Variants in STK3 observed in about 807,000 individuals in gnomAD.
The protein encoded by STK3 is serine/threonine-protein kinase 3.
In STK3, 41 loss-of-function variants were observed where a neutral mutation model predicts 58.0. The ratio of observed to expected loss-of-function variants is 0.71; its 90% CI spans 0.55 to 0.92. The LOEUF is 0.92. STK3 is among the 40% of genes least tolerant of loss of function. STK3 has a pLI of 0.00. For synonymous variants in STK3, 170 were observed against 191.0 expected (o/e 0.89, Z 0.91); for missense variants, 479 against 602.7 (o/e 0.79, Z 2.15).
downstream of STK3, among the ~76,000 whole-genome samples, chr8:98,449,936 G>A (rs1819125902): frequency 6.6e-6 from 1 of 152,148 alleles, no homozygotes; most frequent in Admixed American, 6.5e-5. Context: ...CACAGTATGA[G>A]GCTCTCACCA....
intron 1 of STK3, among the ~76,000 whole-genome samples, chr8:98,785,369 T>C (rs546407760): frequency 1.1e-4 from 17 of 152,284 alleles, no homozygotes; most frequent in Admixed American, 3.3e-4. Context: ...ATTAGGAGTT[T>C]AAGCTGCCAC....
chr8:98,886,199 A>G (rs1587801931), intron 1 of STK3, among the ~76,000 whole-genome samples: 1 of 152,234 alleles, frequency 6.6e-6, no homozygotes, highest in Non-Finnish European at 1.5e-5. Context: ...ACACACACAC[A>G]CAACTACATC....
At chr8:98,810,041 C>T (rs747883985) in intron 1 of STK3, among the ~76,000 whole-genome samples, 2 of 152,112 alleles carry the variant, frequency 1.3e-5, no homozygotes, top group East Asian at 1.9e-4. Context: ...CACATGGCCA[C>T]GTGGCCAGAG....
intron 9 of STK3, among the ~76,000 whole-genome samples, chr8:98,541,099 T>C (rs1810220431): frequency 6.6e-6 from 1 of 152,202 alleles, no homozygotes; most frequent in African/African-American, 2.4e-5. Flanking sequence ...TGTGGTGTTG[T>C]GGGAGTCACT....
chr8:98,576,705 G>C (rs563780188), intron 8 of STK3, among the ~76,000 whole-genome samples: 1 of 152,256 alleles, frequency 6.6e-6, no homozygotes, highest in South Asian at 2.1e-4. Flanking sequence ...CTGGTGCCTA[G>C]AAATACAACT....
At chr8:98,598,744 C>T (rs1477690397) in intron 6 of STK3, 2 of 985,292 alleles carry the variant, frequency 2.0e-6, no homozygotes, top group Non-Finnish European at 2.4e-6. Context: ...TATCTTATCT[C>T]TAACACCATT....
chr8:98,462,124 A>G (rs1441526083), intron 10 of STK3, among the ~76,000 whole-genome samples: 2 of 152,188 alleles, frequency 1.3e-5, no homozygotes, highest in African/African-American at 2.4e-5. Flanking sequence ...AAAATGTACA[A>G]TTAAGTTATT....
intron 7 of STK3, among the ~76,000 whole-genome samples, chr8:98,586,815 T>G (rs1039091199): frequency 6.6e-6 from 1 of 151,968 alleles, no homozygotes. Flanking sequence ...TTCTTCCTGG[T>G]TTAGTCCTGG....
chr8:98,422,646 C>A (rs113778397), intron 3 of STK3, among the ~76,000 whole-genome samples: 2 of 152,284 alleles, frequency 1.3e-5, no homozygotes, highest in African/African-American at 4.8e-5. Flanking sequence ...AGGGAGGCGA[C>A]GACAAAGGCA....
At chr8:98,546,947 G>A (rs1423613019) in intron 9 of STK3, among the ~76,000 whole-genome samples, 1 of 152,178 alleles carries the variant, frequency 6.6e-6, no homozygotes, top group African/African-American at 2.4e-5. Flanking sequence ...ACTGAGCCAC[G>A]TGACTTGAAG....
At chr8:98,526,567 A>G in intron 10 of STK3, 175 bp downstream of exon 10, 1 of 446,408 alleles carries the variant, frequency 2.2e-6, no homozygotes, top group East Asian at 3.7e-5. Flanking sequence ...TCTATAAGCA[A>G]GCTACAGTTT....
At chr8:98,755,522 G>T (rs1470449759) in intron 3 of STK3, among the ~76,000 whole-genome samples, 1 of 152,186 alleles carries the variant, frequency 6.6e-6, no homozygotes, top group Admixed American at 6.5e-5. Context: ...GAAGGCACTG[G>T]AGTATGTGAA....
intron 8 of STK3, among the ~76,000 whole-genome samples, chr8:98,550,983 T>G (rs1811121665): frequency 6.6e-6 from 1 of 152,180 alleles, no homozygotes; most frequent in South Asian, 2.1e-4. Flanking sequence ...AATTTCAATG[T>G]CTTCTATGGA....
chr8:98,731,742 A>G (rs1319567727), intron 4 of STK3, among the ~76,000 whole-genome samples: 3 of 143,778 alleles, frequency 2.1e-5, no homozygotes, highest in Non-Finnish European at 3.0e-5. Context: ...AAAAAAAAAA[A>G]TTCAATAAAA....
chr8:98,562,743 A>AC, intron 8 of STK3, among the ~76,000 whole-genome samples: 1 of 132,916 alleles, frequency 7.5e-6, no homozygotes, highest in Admixed American at 7.3e-5. Context: ...AAATGAAAAA[A>AC]AAAAAAAAAA....
At chr8:98,588,315 A>G (rs1448415099) in intron 7 of STK3, among the ~76,000 whole-genome samples, 1 of 151,592 alleles carries the variant, frequency 6.6e-6, no homozygotes, top group Non-Finnish European at 1.5e-5. Flanking sequence ...ATCTCTCAGC[A>G]TTTGCTTGTC....
intron 6 of STK3, among the ~76,000 whole-genome samples, chr8:98,666,847 C>G (rs1822405312): frequency 6.6e-6 from 1 of 152,128 alleles, no homozygotes. Flanking sequence ...ATCAATCATA[C>G]AGCAGGTGGA....
intron 6 of STK3, among the ~76,000 whole-genome samples, chr8:98,617,451 A>G (rs1226194841): frequency 2.9e-5 from 4 of 137,472 alleles, no homozygotes; most frequent in Admixed American, 2.2e-4. Context: ...AAGGCAAGAA[A>G]TAACTAAAAT....
At chr8:98,728,200 T>C (rs1321924250) in intron 4 of STK3, among the ~76,000 whole-genome samples, 1 of 152,118 alleles carries the variant, frequency 6.6e-6, no homozygotes, top group Non-Finnish European at 1.5e-5. Context: ...CTCACAAATC[T>C]ATTTCATTCC....
Sources: gnomAD v4.1 joint callset for allele counts (sites outside exome capture counted in the v4.1 genomes callset) on GRCh38, gnomAD v4.1.1 for gene constraint, MANE v1.5 for transcripts, NCBI Gene and HGNC (gene_info 2026-07-23, HGNC 2026-07-21) for gene names.